The following STARD13 variants were observed in gnomAD, a reference collection of about 807,000 sequenced individuals.
STARD13 encodes StAR related lipid transfer domain containing 13.
Under a neutral mutation model 106.4 loss-of-function variants are expected in STARD13, and 62 were observed. The observed-to-expected ratio is 0.58, with a 90% CI of 0.48 to 0.72. The LOEUF (loss-of-function observed/expected upper bound fraction) is 0.72. Among genes scored for constraint, STARD13 ranks in the 30% least tolerant of loss-of-function variants. The pLI, the probability that STARD13 is intolerant of heterozygous loss-of-function variation, is 0.00. For missense variants in STARD13, 1,387 were observed against 1,424.0 expected (o/e 0.97, Z 0.42); for synonymous variants, 565 against 553.0 (o/e 1.02, Z -0.31).
At chr13:33,331,321 G>A (rs2077833211) in intron 1 of STARD13, among the ~76,000 whole-genome samples, 1 of 151,656 alleles carries the variant, frequency 6.6e-6, no homozygotes, top group Non-Finnish European at 1.5e-5. Context: ...TCCACCCTCT[G>A]ATCTCTCCCT....
intron 12 of STARD13, among the ~76,000 whole-genome samples, chr13:33,109,226 T>G (rs898555284): frequency 2.0e-5 from 3 of 152,250 alleles, no homozygotes; most frequent in Admixed American, 2.0e-4. Flanking sequence ...CTGTTCTGGC[T>G]GATGCAACAC....
At chr13:33,494,179 A>G in the STARD13 span, among the ~76,000 whole-genome samples, 5 of 152,184 alleles carry the variant, frequency 3.3e-5, no homozygotes, top group African/African-American at 1.2e-4. Flanking sequence ...CCACCTTCTC[A>G]GTGCAACATT....
chr13:33,190,617 C>A (rs1229647749), intron 1 of STARD13, among the ~76,000 whole-genome samples: 4 of 145,090 alleles, frequency 2.8e-5, no homozygotes, highest in Admixed American at 1.4e-4. Context: ...GACCAAGTCT[C>A]ACTCTATTGC....
the STARD13 span, among the ~76,000 whole-genome samples, chr13:33,433,517 A>G: frequency 6.6e-6 from 1 of 152,066 alleles, no homozygotes; most frequent in Non-Finnish European, 1.5e-5. Flanking sequence ...GGTCAGGGTC[A>G]CATCCTCCTG....
chr13:33,106,734 G>A (rs374297418), intron 13 of STARD13, 24 bp downstream of exon 13: 1 of 1,576,814 alleles, frequency 6.3e-7, no homozygotes. Flanking sequence ...ATCTGAGCCT[G>A]CCATTAAGGG....
chr13:33,349,997 G>A (rs1220741272), intron 1 of STARD13, among the ~76,000 whole-genome samples: 1 of 103,724 alleles, frequency 9.6e-6, no homozygotes, highest in Non-Finnish European at 2.5e-5. Flanking sequence ...CTAAAAGGCC[G>A]CCCGGGGGCA....
the STARD13 span, among the ~76,000 whole-genome samples, chr13:33,663,543 G>A: frequency 6.6e-6 from 1 of 152,154 alleles, no homozygotes; most frequent in Non-Finnish European, 1.5e-5. Context: ...TAGCTAATAA[G>A]AGTAGTGCAA....
the STARD13 span, among the ~76,000 whole-genome samples, chr13:33,595,945 C>G: frequency 7.6e-4 from 115 of 152,268 alleles, no homozygotes; most frequent in African/African-American, 2.6e-3. Context: ...CTCTTTATTT[C>G]TGTGCTGTTT....
In STARD13 at chr13:33,120,776, CTT is replaced by C. The variant is rs201604710; in HGVS notation, c.2083-2515_2083-2514del. Among the ~76,000 whole-genome samples the C allele has an allele frequency of 3.5e-4, 51 of 147,236 alleles. 1 individual carries two copies. The highest frequency in any genetic ancestry group is 1.8e-3 in the Admixed American group (27 of 14,816). ...ACCCTGGAACCGTTCTATTTCCTGA[CTT>C]TTTTTTTTTTTGAGACGGAGTCTTG... On this transcript the variant is annotated intron_variant, in intron 7 of 13. Transcript: ENST00000336934.
At chr13:33,549,241 C>G in the STARD13 span, among the ~76,000 whole-genome samples, 2 of 152,128 alleles carry the variant, frequency 1.3e-5, no homozygotes, top group African/African-American at 4.8e-5. Flanking sequence ...ATTCTTCCAT[C>G]TTATGTTTTC....
chr13:33,528,969 G>C, the STARD13 span, among the ~76,000 whole-genome samples: 1 of 152,064 alleles, frequency 6.6e-6, no homozygotes. Context: ...CATCTCATTG[G>C]AATAAATGGG....
the STARD13 span, among the ~76,000 whole-genome samples, chr13:33,440,378 T>C: frequency 6.6e-6 from 1 of 151,608 alleles, no homozygotes; most frequent in Non-Finnish European, 1.5e-5. Context: ...GTGCCACCAA[T>C]AGTCTCCTTA....
At chr13:33,520,508 C>A in the STARD13 span, among the ~76,000 whole-genome samples, 17 of 152,082 alleles carry the variant, frequency 1.1e-4, no homozygotes, top group Non-Finnish European at 1.9e-4. Flanking sequence ...GTGTTTTATA[C>A]TCCAAGACGT....
At chr13:33,122,379 C>A (rs1329671773) in intron 7 of STARD13, among the ~76,000 whole-genome samples, 1 of 152,206 alleles carries the variant, frequency 6.6e-6, no homozygotes, top group Non-Finnish European at 1.5e-5. Context: ...TAATGTTTTT[C>A]CTTCACTTTT....
At chr13:33,559,702 A>C in the STARD13 span, among the ~76,000 whole-genome samples, 2 of 151,442 alleles carry the variant, frequency 1.3e-5, no homozygotes, top group Non-Finnish European at 2.9e-5. Flanking sequence ...CTAAAAATAC[A>C]AAACATTAGC....
intron 7 of STARD13, among the ~76,000 whole-genome samples, chr13:33,125,655 G>A (rs200675105): frequency 6.0e-5 from 9 of 150,764 alleles, no homozygotes; most frequent in Non-Finnish European, 7.4e-5. Context: ...TGCTTCAAAG[G>A]AAAAAAAAAG....
intron 1 of STARD13, among the ~76,000 whole-genome samples, chr13:33,339,869 G>A (rs917393345): frequency 2.0e-5 from 3 of 151,082 alleles, no homozygotes; most frequent in East Asian, 2.0e-4. Flanking sequence ...GGTGGATCAC[G>A]AAGTCAGGAG....
chr13:33,662,469 C>T, the STARD13 span, among the ~76,000 whole-genome samples: 19 of 152,056 alleles, frequency 1.2e-4, no homozygotes, highest in Non-Finnish European at 2.1e-4. Flanking sequence ...CACTCCTTTC[C>T]CAAACAGCCT....
At chr13:33,210,526 T>C (rs143101126) in intron 1 of STARD13, among the ~76,000 whole-genome samples, 1 of 152,320 alleles carries the variant, frequency 6.6e-6, no homozygotes, top group African/African-American at 2.4e-5. Flanking sequence ...TGCGTTAATG[T>C]ACATAAAATG....
Sources: allele counts gnomAD v4.1 joint callset (sites outside exome capture counted in the v4.1 genomes callset), GRCh38; gene constraint gnomAD v4.1.1; transcripts MANE v1.5; gene names NCBI Gene and HGNC (gene_info 2026-07-23, HGNC 2026-07-21).